NBPF11: variants seen among roughly 807,000 people sequenced by gnomAD.
NBPF11 encodes NBPF member 11, also known as NBPF family member NBPF11.
Under a neutral mutation model 93.9 loss-of-function variants are expected in NBPF11, and 72 were observed. The observed-to-expected ratio is 0.77, with a 90% CI of 0.63 to 0.93. NBPF11 has a LOEUF of 0.93. NBPF11 is among the 40% of genes least tolerant of loss of function. The probability of loss-of-function intolerance (pLI) is 0.00; values close to 1 mark genes in which losing one functional copy is unlikely to be tolerated. For synonymous variants in NBPF11, 224 were observed against 304.9 expected (o/e 0.73, Z 2.76); for missense variants, 705 against 802.2 (o/e 0.88, Z 1.46).
chr1:148,116,123 C>T, intron 13 of NBPF11, 125 bp from the exon 14 acceptor site: 2 of 998,400 alleles, frequency 2.0e-6, no homozygotes, highest in East Asian at 2.5e-5. Flanking sequence ...AATGGACGTT[C>T]CCATTAAGAG....
At chr1:148,104,468 T>G in intron 23 of NBPF11, 69 bp downstream of exon 23, 1 of 597,628 alleles carries the variant, frequency 1.7e-6, no homozygotes, top group Non-Finnish European at 2.9e-6. Context: ...AAACACACTC[T>G]GGTTTCCCTG....
chr1:148,149,331 C>T (rs1240632869), intron 1 of NBPF11: 3 of 1,597,030 alleles, frequency 1.9e-6, no homozygotes, highest in African/African-American at 1.3e-5. Context: ...TGCTTCGACG[C>T]CTTCCCTAAC....
At chr1:148,133,449 G>A (rs1466432011) in intron 4 of NBPF11, among the ~76,000 whole-genome samples, 3 of 152,060 alleles carry the variant, frequency 2.0e-5, no homozygotes, top group African/African-American at 7.3e-5. Context: ...GTTACCTGTG[G>A]GTTCTTCAAA....
intron 1 of NBPF11, chr1:148,146,390 C>A: frequency 6.3e-7 from 1 of 1,589,142 alleles, no homozygotes; most frequent in South Asian, 1.1e-5. Context: ...CGGGCGGCGC[C>A]CGCCATGAAC....
Position 148,149,219 on chromosome 1 carries a change from A to AC in NBPF11, c.-549+2530dup, listed in dbSNP as rs1647593448. 5.2e-6 allele frequency: 8 copies of AC among 1,548,646 alleles called. No individual in the cohort carries two copies. The South Asian group carries it at 5.6e-5, about 11-fold the overall frequency. On this transcript the variant is annotated intron_variant, in intron 1 of 23. Transcript: ENST00000682118. ...CGGGCAGAGCATCGGCACGGTGCCC[A>AC]CCATGGACCTGGCCTCGCGCTACGA...
chr1:148,117,023 C>T (rs1391845319), intron 12 of NBPF11, among the ~76,000 whole-genome samples: 1 of 152,178 alleles, frequency 6.6e-6, no homozygotes, highest in Non-Finnish European at 1.5e-5. Flanking sequence ...GTCTGAAGCA[C>T]TTCCTACCAC....
chr1:148,146,862 G>C (rs1673210255), intron 1 of NBPF11: 12 of 1,613,768 alleles, frequency 7.4e-6, no homozygotes, highest in Middle Eastern at 1.7e-4. Flanking sequence ...GCTCGGGCAG[G>C]CCTTCCGAGA....
At chr1:148,104,493 A>G (rs1663052337) in intron 23 of NBPF11, 44 bp downstream of exon 23, 1 of 588,826 alleles carries the variant, frequency 1.7e-6, no homozygotes, top group South Asian at 2.0e-5. Context: ...TGTTGCCTCC[A>G]GGTGTTAACA....
At chr1:148,112,020 C>A (rs1424402032) in intron 15 of NBPF11, among the ~76,000 whole-genome samples, 1 of 147,892 alleles carries the variant, frequency 6.8e-6, no homozygotes, top group African/African-American at 2.6e-5. Flanking sequence ...GGATTACCCA[C>A]AAAGGGAAGC....
rs1373847117 is a variant in NBPF11, at chr1:148,106,578, C to T, written c.2252-346G>A. Among the ~76,000 whole-genome samples, 6 of 140,528 alleles carry T rather than the reference C, an allele frequency of 4.3e-5. No individual in the cohort carries two copies. In the East Asian group the frequency reaches 1.1e-3, roughly 26 times the overall value. The allele number at this position is 140,528 out of a possible 152,430, so 92.2% of individuals were successfully genotyped here. On this transcript the variant is annotated intron_variant, in intron 20 of 23. Coordinates refer to ENST00000682118, the MANE Select transcript of NBPF11 (RefSeq NM_001385469.3). The stretch of plus-strand genomic sequence containing the variant: ...ATTCAGCCCTGTCTCATCAAATGCC[C>T]AGCTCGTTCACGGATGCAAGAATTT...
In NBPF11 at chr1:148,120,591, C is replaced by A; in HGVS notation, c.898G>T (p.Ala300Ser). Residue 300 changes from alanine to serine, a missense_variant, in exon 10 of 24, where the codon GCA becomes TCA. Transcript: ENST00000682118. Reference sequence around the variant, plus strand: ...CTTCTGAACTGCTGTTTCTTCTCTGCCAGCTGGGGGCACAATTTCTCATTG... The same window carrying A: ...CTTCTGAACTGCTGTTTCTTCTCTGACAGCTGGGGGCACAATTTCTCATTG... Reference protein sequence around the residue: ...EINEKLCPQLAEKKQQFRSLK... With the variant: ...EINEKLCPQLSEKKQQFRSLK... The A allele has an allele frequency of 1.4e-6, 2 of 1,477,848 alleles. No individual in the cohort carries two copies. The highest frequency in any genetic ancestry group is 1.9e-6 in the Non-Finnish European group (2 of 1,057,200). 91.5% of individuals were successfully genotyped at this position (1,477,848 alleles called of 1,614,324 possible). A position where few individuals can be genotyped will look rare whatever the true frequency, so the allele number is the denominator to read the frequency against.
chr1:148,146,435 G>A, intron 1 of NBPF11: 4 of 1,604,046 alleles, frequency 2.5e-6, no homozygotes, highest in Non-Finnish European at 3.4e-6. Flanking sequence ...TGCCTCTTCT[G>A]CTGCCCTCCC....
At chr1:148,137,148 G>A (rs1671431777) in intron 3 of NBPF11, among the ~76,000 whole-genome samples, 4 of 151,936 alleles carry the variant, frequency 2.6e-5, no homozygotes, top group Non-Finnish European at 5.9e-5. Flanking sequence ...CTTTAAGATG[G>A]TGAGGTTACC....
chr1:148,122,373 G>C (rs1431295537), intron 8 of NBPF11, 107 bp from the exon 9 acceptor site: 1 of 1,561,124 alleles, frequency 6.4e-7, no homozygotes, highest in African/African-American at 1.4e-5. Context: ...AGTGGTCCCA[G>C]AAAACAAATG....
In NBPF11 at chr1:148,122,711, C is replaced by T. The variant is rs782548053; in HGVS notation, c.566+18G>A. On this transcript the variant is annotated intron_variant, in intron 8 of 23. Coordinates refer to ENST00000682118, the MANE Select transcript of NBPF11 (RefSeq NM_001385469.3). ...ATATGTTACCACCCATTACTTGCTC[C>T]TGAGTATTCAATGTTACCTGGGGGC... 1.9e-4 allele frequency: 311 copies of T among 1,608,810 alleles called. 7 individuals are homozygous for T. The African/African-American group carries it at 3.8e-3, about 20-fold the overall frequency.
At position 148,152,072 on chromosome 1, in the gene NBPF11, C is replaced by T. The variant is rs1571507225; in HGVS notation, c.-871G>A. 6.6e-6 allele frequency: 1 copy of T among 152,126 alleles called. No individual in the cohort carries two copies. Among genetic ancestry groups the T allele is most frequent in the Non-Finnish European group, 1.5e-5 (1 of 68,096 alleles). 9.4% of individuals were successfully genotyped at this position (152,126 alleles called of 1,614,324 possible). A position where few individuals can be genotyped will look rare whatever the true frequency, so the allele number is the denominator to read the frequency against. ...GGCTGCCTCTACCGCACAGCGGGTTCGGGCCGCGGGCCGAGAAAAGGAGTA... is the reference window on the plus strand; with the variant it reads ...GGCTGCCTCTACCGCACAGCGGGTTTGGGCCGCGGGCCGAGAAAAGGAGTA... On this transcript the variant is annotated 5_prime_UTR_variant, in exon 1 of 24. Coordinates refer to ENST00000682118, the MANE Select transcript of NBPF11 (RefSeq NM_001385469.3).
At chr1:148,120,832 G>T (rs1325726443) in intron 9 of NBPF11, 122 bp from the exon 10 acceptor site, 1 of 819,378 alleles carries the variant, frequency 1.2e-6, no homozygotes, top group Admixed American at 1.9e-5. Context: ...TGTTTCCCTG[G>T]TTTCACTCTT....
intron 1 of NBPF11, among the ~76,000 whole-genome samples, chr1:148,148,271 G>T (rs1477841889): frequency 6.6e-6 from 1 of 152,262 alleles, no homozygotes; most frequent in Admixed American, 6.5e-5. Context: ...ATGCCAGGCA[G>T]AGGGGACGCA....
rs1216188641 is a variant in NBPF11, at chr1:148,133,551, T to C, written c.-36+2121A>G. On this transcript the variant is annotated intron_variant, in intron 4 of 23. Coordinates refer to ENST00000682118, the MANE Select transcript of NBPF11 (RefSeq NM_001385469.3). ...GTTTTTATAAATCATGAAAAAAGTT[T>C]TCAATTTTGCCAAATGCTTTTACTG... 2.9e-3 allele frequency among the ~76,000 whole-genome samples: 439 copies of C among 152,252 alleles called. 4 individuals carry two copies. Among genetic ancestry groups the C allele is most frequent in the African/African-American group, 0.01 (415 of 41,460 alleles).
Sources: gnomAD v4.1 joint callset for allele counts (sites outside exome capture counted in the v4.1 genomes callset) on GRCh38, gnomAD v4.1.1 for gene constraint, MANE v1.5 for transcripts, NCBI Gene and HGNC (gene_info 2026-07-23, HGNC 2026-07-21) for gene names.